ODF2: variants seen among roughly 807,000 people sequenced by gnomAD.
ODF2 encodes the protein outer dense fiber of sperm tails 2.
ODF2 carries 47 observed loss-of-function variants against 110.2 expected under a neutral mutation model. That is an observed-to-expected ratio of 0.43 (90% CI 0.34 to 0.54). The LOEUF (loss-of-function observed/expected upper bound fraction) is 0.54, where lower values mean the gene tolerates loss of function less well. Ranked by LOEUF, ODF2 falls within the 20% of genes least tolerant of loss-of-function variation. ODF2 has a pLI of 0.03. For synonymous variants in ODF2, 352 were observed against 397.7 expected (o/e 0.89, Z 1.37); for missense variants, 812 against 1,054.5 (o/e 0.77, Z 3.19).
At chr9:128,472,315 C>T (rs1840231415) in intron 6 of ODF2, among the ~76,000 whole-genome samples, 1 of 152,146 alleles carries the variant, frequency 6.6e-6, no homozygotes, top group South Asian at 2.1e-4. Flanking sequence ...TAAAGTAATC[C>T]TCCTGCCTCA....
At chr9:128,473,773 C>T in intron 8 of ODF2, 32 bp downstream of exon 8, 1 of 1,586,114 alleles carries the variant, frequency 6.3e-7, no homozygotes, top group Non-Finnish European at 8.6e-7. Context: ...TTCCCTCCAG[C>T]TCTGCATGCC....
chr9:128,486,575 AG>A (rs1263955664), intron 13 of ODF2, among the ~76,000 whole-genome samples: 2 of 152,192 alleles, frequency 1.3e-5, no homozygotes, highest in Non-Finnish European at 2.9e-5. Context: ...GTCAAGATAG[AG>A]GAGTAAGCAC....
chr9:128,485,261 T>C lies in ODF2; in HGVS notation c.1291-104T>C, dbSNP rs889179975. On this transcript the variant is annotated intron_variant, in intron 12 of 20. Coordinates refer to ENST00000604420, the Ensembl canonical transcript of ODF2. The surrounding 1 kb of genome is among the most constrained non-coding windows in gnomAD (Gnocchi z 5.0). Reference sequence around the variant, plus strand: ...GAAAGGTGAATTCCAGAATGAGGTTTAGGTTACCAGGGTGAGAAACCACCT... The same window carrying C: ...GAAAGGTGAATTCCAGAATGAGGTTCAGGTTACCAGGGTGAGAAACCACCT... The C allele has an allele frequency of 2.0e-5, 13 of 663,500 alleles. No individual in the cohort carries two copies. In the African/African-American group the frequency reaches 2.2e-4, roughly 11 times the overall value. The allele number at this position is 663,500 out of a possible 1,614,324, so 41.1% of individuals were successfully genotyped here. A position where few individuals can be genotyped will look rare whatever the true frequency, so the allele number is the denominator to read the frequency against.
At chr9:128,500,468 G>GAA in exon 21 of ODF2, 1 of 542,772 alleles carries the variant, frequency 1.8e-6, no homozygotes, top group Admixed American at 3.2e-5. Context: ...TCACCTGTTG[G>GAA]AAGTGTTAAA....
chr9:128,495,997 C>T (rs375463066), intron 17 of ODF2, 44 bp from the exon 18 acceptor site: 45 of 1,609,044 alleles, frequency 2.8e-5, no homozygotes, highest in African/African-American at 1.3e-4. Flanking sequence ...AGGGCTCTAG[C>T]GGGAAATTCC....
At chr9:128,467,916 C>T (rs779411052) in intron 4 of ODF2, among the ~76,000 whole-genome samples, 38 of 152,168 alleles carry the variant, frequency 2.5e-4, no homozygotes, top group Non-Finnish European at 3.8e-4. Context: ...TTCAGTGTCT[C>T]GATCTCCTGA....
At chr9:128,480,373 C>T (rs1342149714) in intron 8 of ODF2, among the ~76,000 whole-genome samples, 2 of 152,222 alleles carry the variant, frequency 1.3e-5, no homozygotes, top group South Asian at 2.1e-4. Context: ...ACATCCATCA[C>T]GTCACATGGT....
intron 5 of ODF2, among the ~76,000 whole-genome samples, chr9:128,470,915 GTTTT>G (rs59215056): frequency 7.2e-6 from 1 of 139,422 alleles, no homozygotes; most frequent in Non-Finnish European, 1.6e-5. Context: ...TTTTGTTTTT[GTTTT>G]TTTTTTTTTG....
rs1846332510 is a variant in ODF2 at position 128,500,350 on chromosome 9, G to T, written c.*95G>T. 2.4e-5 allele frequency: 30 copies of T among 1,256,768 alleles called. 1 individual carries two copies. The South Asian group carries it at 4.0e-4, about 17-fold the overall frequency. The allele number at this position is 1,256,768 out of a possible 1,614,324, so 77.9% of individuals were successfully genotyped here. The stretch of plus-strand genomic sequence containing the variant: ...GAAGCCTGGTGGTTTTCCTCTCCCA[G>T]TGAAAAAATGGGTTCAGGGTCTTGT... On this transcript the variant is annotated 3_prime_UTR_variant, in exon 21 of 21. Coordinates refer to ENST00000604420, the Ensembl canonical transcript of ODF2.
intron 4 of ODF2, among the ~76,000 whole-genome samples, chr9:128,466,633 T>C (rs1420983345): frequency 7.2e-6 from 1 of 138,240 alleles, no homozygotes; most frequent in African/African-American, 3.0e-5. Context: ...GAGTAAGTAG[T>C]CACACTTTCC....
chr9:128,496,321 G>A (rs1280410636), intron 18 of ODF2, 180 bp downstream of exon 18: 2 of 1,472,192 alleles, frequency 1.4e-6, no homozygotes, highest in South Asian at 1.2e-5. Flanking sequence ...GAGAGAGCAA[G>A]GGGGCCTCTC....
intron 8 of ODF2, among the ~76,000 whole-genome samples, chr9:128,478,865 C>T (rs1459554256): frequency 6.6e-6 from 1 of 152,152 alleles, no homozygotes; most frequent in East Asian, 1.9e-4. Flanking sequence ...CGAGTCGGCT[C>T]CAGGGCCCAG....
chr9:128,480,766 G>A (rs1287066208), intron 8 of ODF2, among the ~76,000 whole-genome samples: 9 of 152,104 alleles, frequency 5.9e-5, no homozygotes, highest in African/African-American at 9.7e-5. Flanking sequence ...GCAGTGAGCC[G>A]AGATCGTGCC....
At chr9:128,488,416 C>G (rs1383674937) in intron 14 of ODF2, among the ~76,000 whole-genome samples, 7 of 152,100 alleles carry the variant, frequency 4.6e-5, no homozygotes, top group Admixed American at 3.3e-4. Context: ...CAGAGAGAGA[C>G]TCTGTGTCAA....
In ODF2 at chr9:128,485,377, G is replaced by C. The variant is rs758255613; in HGVS notation, c.1303G>C (p.Ala435Pro). The C allele has an allele frequency of 3.1e-6, 5 of 1,600,730 alleles. No individual in the cohort carries two copies. The highest frequency in any genetic ancestry group is 4.3e-6 in the Non-Finnish European group (5 of 1,168,786). The change falls in exon 13 of 21, where the codon GCT becomes CCT. Residue 435 changes from alanine to proline, a missense_variant. Around this residue, in one of 5 missense-constraint regions of ODF2, gnomAD observed 165 missense variants for 293.4 expected, o/e 0.56. Transcript: ENST00000604420. This position sits in a 1 kb window ranked among gnomAD's most constrained non-coding sequence, Gnocchi z 5.0. ...CCCGTGTTCCCAGGATCTTTATGTC[G>C]CTGAAGCTTTATCCACTCTGGAATC...
chr9:128,496,020 T>C (rs750050307), intron 17 of ODF2, 21 bp from the exon 18 acceptor site: 1 of 1,613,460 alleles, frequency 6.2e-7, no homozygotes, highest in Non-Finnish European at 8.5e-7. Context: ...TGTAAACCAG[T>C]CTGTGTTCCT....
At chr9:128,472,322 C>G (rs2131776842) in intron 6 of ODF2, among the ~76,000 whole-genome samples, 2 of 152,308 alleles carry the variant, frequency 1.3e-5, no homozygotes, top group Admixed American at 1.3e-4. Flanking sequence ...ATCCTCCTGC[C>G]TCAGCCTCCC....
At chr9:128,463,555 A>G (rs776793758) in intron 4 of ODF2, among the ~76,000 whole-genome samples, 7 of 152,182 alleles carry the variant, frequency 4.6e-5, no homozygotes, top group African/African-American at 1.2e-4. Context: ...ATGTCACTGC[A>G]CTGCAGCCTG....
rs769470199 is a variant in ODF2, at chr9:128,498,306, C to G, written c.2013-107C>G. ...TTATTCCTGTGGCTCCTTGGAGATTCTTGGCATGATGAGATCCCCAGTCCA... is the reference window on the plus strand; with the variant it reads ...TTATTCCTGTGGCTCCTTGGAGATTGTTGGCATGATGAGATCCCCAGTCCA... On this transcript the variant is annotated intron_variant, in intron 18 of 20. Transcript: ENST00000604420. The G allele has an allele frequency of 4.3e-4, 605 of 1,392,124 alleles. 2 individuals are homozygous for G. The highest frequency in any genetic ancestry group is 4.9e-4 in the Non-Finnish European group (528 of 1,069,378). The allele number at this position is 1,392,124 out of a possible 1,614,324, so 86.2% of individuals were successfully genotyped here. A position where few individuals can be genotyped will look rare whatever the true frequency, so the allele number is the denominator to read the frequency against.
Sources: gnomAD v4.1 joint callset for allele counts (sites outside exome capture counted in the v4.1 genomes callset) on GRCh38, gnomAD v4.1.1 for gene constraint, gnomAD v4.1.1 regional missense constraint, Gnocchi (gnomAD v3.1) non-coding constraint, MANE v1.5 for transcripts, NCBI Gene and HGNC (gene_info 2026-07-23, HGNC 2026-07-21) for gene names.